MNAT1: variants seen among roughly 807,000 people sequenced by gnomAD.
The protein encoded by MNAT1 is MNAT1 component of CDK activating kinase.
In MNAT1, 43 loss-of-function variants were observed where a neutral mutation model predicts 42.0. The observed-to-expected ratio is 1.02, with a 90% confidence interval of 0.80 to 1.32. MNAT1 has a LOEUF of 1.32. Among genes scored for constraint, MNAT1 ranks in the 40% most tolerant of loss-of-function variants. The pLI is 0.00. For synonymous variants in MNAT1, 118 were observed against 120.0 expected, an observed-to-expected ratio of 0.98 and a Z score of 0.11; for missense variants, 306 against 350.4, an observed-to-expected ratio of 0.87 and a Z score of 1.01.
chr14:60,915,056 G>A (rs796298252), intron 7 of MNAT1, among the ~76,000 whole-genome samples: 11 of 152,284 alleles, frequency 7.2e-5, no homozygotes, highest in East Asian at 3.9e-4. Flanking sequence ...TTATTTGACC[G>A]AGAGCAAGGT....
intron 7 of MNAT1, among the ~76,000 whole-genome samples, chr14:60,891,957 A>G (rs2034854808): frequency 6.6e-6 from 1 of 152,030 alleles, no homozygotes; most frequent in Non-Finnish European, 1.5e-5. Flanking sequence ...TGAATTTTCT[A>G]GTTTTTCTTC....
chr14:60,820,858 A>G (rs2032870421), intron 6 of MNAT1, among the ~76,000 whole-genome samples: 1 of 152,224 alleles, frequency 6.6e-6, no homozygotes, highest in African/African-American at 2.4e-5. Context: ...TTCCCAGTAC[A>G]CTTAGAATAA....
At chr14:60,935,860 C>T (rs771402199) in intron 7 of MNAT1, among the ~76,000 whole-genome samples, 1 of 152,138 alleles carries the variant, frequency 6.6e-6, no homozygotes, top group East Asian at 1.9e-4. Context: ...AATTTTGCTC[C>T]TTAGTTCAGC....
intron 3 of MNAT1, among the ~76,000 whole-genome samples, 160 bp from the exon 4 acceptor site, chr14:60,808,165 A>G (rs1341391686): frequency 6.6e-6 from 1 of 152,180 alleles, no homozygotes; most frequent in Non-Finnish European, 1.5e-5. Context: ...TGCCGTAACT[A>G]GAGCTAGTCT....
chr14:60,748,590 T>C (rs2029933459), intron 1 of MNAT1, among the ~76,000 whole-genome samples: 1 of 150,664 alleles, frequency 6.6e-6, no homozygotes. Context: ...AACCTACACA[T>C]TAGCACATAC....
At chr14:60,827,212 CT>C (rs2033080739) in intron 6 of MNAT1, among the ~76,000 whole-genome samples, 1 of 151,978 alleles carries the variant, frequency 6.6e-6, no homozygotes, top group Non-Finnish European at 1.5e-5. Context: ...TTTTGATAGT[CT>C]GTGGTTGGTT....
At chr14:60,832,029 GT>G (rs1232018984) in intron 6 of MNAT1, among the ~76,000 whole-genome samples, 2 of 151,696 alleles carry the variant, frequency 1.3e-5, no homozygotes, top group African/African-American at 2.4e-5. Flanking sequence ...GGGATTGTTT[GT>G]TTTTTTTCTT....
intron 6 of MNAT1, among the ~76,000 whole-genome samples, chr14:60,843,939 T>C (rs1213592597): frequency 6.6e-6 from 1 of 152,220 alleles, no homozygotes; most frequent in East Asian, 1.9e-4. Context: ...GGGTTCCTGA[T>C]CCATCTTGTA....
intron 7 of MNAT1, among the ~76,000 whole-genome samples, chr14:60,910,935 C>G (rs2035339133): frequency 6.6e-6 from 1 of 152,170 alleles, no homozygotes; most frequent in African/African-American, 2.4e-5. Context: ...TAAAATTCGG[C>G]TGTGAAACCA....
Position 60,792,177 on chromosome 14 carries a change from A to G in MNAT1, c.90-4040A>G, listed in dbSNP as rs574789118. Among the ~76,000 whole-genome samples the G allele has an allele frequency of 4.3e-4, 65 of 152,192 alleles. 1 individual carries two copies. Among genetic ancestry groups the G allele is most frequent in the African/African-American group, 1.5e-3 (64 of 41,550 alleles). ...GTGTTTTCCATGAATCCTTAAACGCATTTCATTATTGGATGTTGATAATAT... is the reference window on the plus strand; with the variant it reads ...GTGTTTTCCATGAATCCTTAAACGCGTTTCATTATTGGATGTTGATAATAT... On this transcript the variant is annotated intron_variant, in intron 1 of 7. Transcript: ENST00000261245.
At chr14:60,872,175 C>A (rs143147044) in intron 6 of MNAT1, among the ~76,000 whole-genome samples, 2,677 of 152,102 alleles carry the variant, frequency 0.018, 48 homozygotes, top group Non-Finnish European at 0.023. Flanking sequence ...AGCAGGCACA[C>A]GTGGCAAGAG....
chr14:60,825,048 A>C (rs1056879467), intron 6 of MNAT1, among the ~76,000 whole-genome samples: 6 of 152,170 alleles, frequency 3.9e-5, no homozygotes, highest in African/African-American at 1.2e-4. Flanking sequence ...AAGTGACAAA[A>C]GTTATTTACA....
Position 60,834,923 on chromosome 14 carries a change from CCCTTCCTT to C in MNAT1, c.687+16124_687+16131del, listed in dbSNP as rs35945471. On this transcript the variant is annotated intron_variant, in intron 6 of 7. Transcript: ENST00000261245. Reference sequence around the variant, plus strand: ...TTGATCCCTTTACCATTATGTAGTGCCCTTCCTTCCTTCCTTCCTTCCTTCCTTCCTTC... The same window carrying C: ...TTGATCCCTTTACCATTATGTAGTGCCCTTCCTTCCTTCCTTCCTTCCTTC... Among the ~76,000 whole-genome samples, 794 of 93,940 alleles carry C rather than the reference CCCTTCCTT, an allele frequency of 8.5e-3. 9 individuals are homozygous for C. Among genetic ancestry groups the C allele is most frequent in the African/African-American group, 0.025 (555 of 22,040 alleles). The allele number at this position is 93,940 out of a possible 152,430, so 61.6% of individuals were successfully genotyped here. A position where few individuals can be genotyped will look rare whatever the true frequency, so the allele number is the denominator to read the frequency against.
chr14:60,896,876 G>T (rs1475456), intron 7 of MNAT1, among the ~76,000 whole-genome samples: 1 of 152,082 alleles, frequency 6.6e-6, no homozygotes, highest in Non-Finnish European at 1.5e-5. Context: ...AAAAAGACTT[G>T]TTGGCAAAGT....
In MNAT1 at chr14:60,931,859, T is replaced by A. The variant is rs188950114; in HGVS notation, c.810-36370T>A. On this transcript the variant is annotated intron_variant, in intron 7 of 7. Transcript: ENST00000261245. ...TAAAAACATCCTCAAAGTTTTTTTT[T>A]AAAAAAACAATGGTGAATTAATTAT... 8.6e-3 allele frequency among the ~76,000 whole-genome samples: 1,304 copies of A among 152,032 alleles called. 24 individuals carry two copies. The highest frequency in any genetic ancestry group is 0.029 in the African/African-American group (1,221 of 41,502).
At chr14:60,849,122 T>C (rs2033755101) in intron 6 of MNAT1, among the ~76,000 whole-genome samples, 1 of 152,100 alleles carries the variant, frequency 6.6e-6, no homozygotes, top group South Asian at 2.1e-4. Flanking sequence ...TCTTAAACAG[T>C]GTTTGTTTTG....
intron 6 of MNAT1, among the ~76,000 whole-genome samples, chr14:60,844,246 G>A (rs2033625088): frequency 6.6e-6 from 1 of 151,988 alleles, no homozygotes; most frequent in African/African-American, 2.4e-5. Context: ...GATTCAGTTT[G>A]TCAGTTTTTA....
intron 6 of MNAT1, among the ~76,000 whole-genome samples, chr14:60,832,554 A>G (rs2033256823): frequency 6.6e-6 from 1 of 152,160 alleles, no homozygotes; most frequent in African/African-American, 2.4e-5. Flanking sequence ...TTTTGGTACC[A>G]GTACCATGTT....
At chr14:60,928,797 A>G (rs994604547) in intron 7 of MNAT1, among the ~76,000 whole-genome samples, 11 of 151,854 alleles carry the variant, frequency 7.2e-5, no homozygotes, top group Non-Finnish European at 1.5e-4. Context: ...CACTTGCCAT[A>G]TATATATATC....
Sources: gnomAD v4.1 joint callset for allele counts (sites outside exome capture counted in the v4.1 genomes callset) on GRCh38, gnomAD v4.1.1 for gene constraint, MANE v1.5 for transcripts, NCBI Gene and HGNC (gene_info 2026-07-23, HGNC 2026-07-21) for gene names.